The following SANBR variants were observed in gnomAD, a reference collection of about 807,000 sequenced individuals.
SANBR encodes SANT and BTB domain regulator of class switch recombination.
In SANBR, 77 loss-of-function variants were observed where a neutral mutation model predicts 101.8. The observed-to-expected ratio is 0.76, with a 90% CI of 0.63 to 0.91. The LOEUF is 0.91. Ranked by LOEUF, SANBR falls within the 40% of genes least tolerant of loss-of-function variation. SANBR has a pLI of 0.00. For synonymous variants in SANBR, 279 were observed against 274.7 expected, an observed-to-expected ratio of 1.02 and a Z score of -0.15; for missense variants, 875 against 853.0, an observed-to-expected ratio of 1.03 and a Z score of -0.32.
rs80327724 is a variant in SANBR at position 61,076,937 on chromosome 2, A to G, written c.449A>G (p.His150Arg). 336 of 1,613,196 alleles carry G rather than the reference A, an allele frequency of 2.1e-4. 1 individual carries two copies. In the East Asian group the frequency reaches 7.3e-3, roughly 35 times the overall value. ...TTATGAAGGCCAAACATGGTGATCC[A>G]TGTGTGTGATGAAGCAAAAAACTTG... ...EESEGPNMVI[H>R]VCDEAKNLKE... The change falls in exon 6 of 22, where the codon CAT becomes CGT. Residue 150 changes from histidine (H) to arginine (R), a missense_variant. Physicochemically the swap from His to Arg is conservative, Grantham distance 29. Transcript: ENST00000402291.
At chr2:61,107,044 G>C (rs1162802033) in intron 14 of SANBR, among the ~76,000 whole-genome samples, 4 of 151,838 alleles carry the variant, frequency 2.6e-5, no homozygotes. Context: ...CCTTGTGCCT[G>C]TAGTCCAAGT....
At chr2:61,109,159 A>G (rs745668377) in intron 15 of SANBR, 38 bp from the exon 16 acceptor site, 2 of 1,025,912 alleles carry the variant, frequency 1.9e-6, no homozygotes, top group South Asian at 2.1e-5. Context: ...ATAAAAAATC[A>G]TAATATTACA....
intron 20 of SANBR, among the ~76,000 whole-genome samples, chr2:61,133,505 C>T (rs540402327): frequency 6.6e-6 from 1 of 152,088 alleles, no homozygotes; most frequent in East Asian, 1.9e-4. Context: ...GTAATCCCAG[C>T]ACTTTGGGAG....
At chr2:61,109,681 G>GTTT (rs1297359773) in intron 16 of SANBR, among the ~76,000 whole-genome samples, 6 of 124,816 alleles carry the variant, frequency 4.8e-5, no homozygotes, top group African/African-American at 6.4e-5. Flanking sequence ...TTTTGTGTTT[G>GTTT]TTTTTTTTTT....
intron 12 of SANBR, among the ~76,000 whole-genome samples, chr2:61,101,371 T>C (rs917361243): frequency 1.3e-5 from 2 of 152,202 alleles, no homozygotes; most frequent in African/African-American, 2.4e-5. Flanking sequence ...GTGGTTAGTT[T>C]GTTTCCATTT....
intron 11 of SANBR, among the ~76,000 whole-genome samples, chr2:61,097,417 A>G (rs563727180): frequency 3.3e-5 from 5 of 152,012 alleles, no homozygotes; most frequent in Non-Finnish European, 5.9e-5. Context: ...TAAGTCTGCA[A>G]TTCACTTTTT....
chr2:61,066,341 C>G (rs953602295), intron 1 of SANBR: 70 of 152,706 alleles, frequency 4.6e-4, no homozygotes, highest in African/African-American at 1.4e-3. Flanking sequence ...CTCCCGCTGC[C>G]CGGCGCCTTT....
chr2:61,106,752 A>G, intron 14 of SANBR, 90 bp downstream of exon 14: 1 of 757,642 alleles, frequency 1.3e-6, no homozygotes, highest in Non-Finnish European at 2.1e-6. Context: ...TTAAGTTGAA[A>G]TTGAACTGAC....
intron 1 of SANBR, among the ~76,000 whole-genome samples, chr2:61,066,894 C>T (rs1404901448): frequency 6.6e-5 from 10 of 152,088 alleles, no homozygotes; most frequent in Non-Finnish European, 1.2e-4. Context: ...GTCTGTTAAA[C>T]ATATTGGATT....
At chr2:61,088,046 G>A in intron 8 of SANBR, 113 bp from the exon 9 acceptor site, 1 of 564,038 alleles carries the variant, frequency 1.8e-6, no homozygotes, top group Non-Finnish European at 3.1e-6. Flanking sequence ...ACTCCCAAGA[G>A]AGCCACTAAG....
Position 61,082,744 on chromosome 2 carries a change from A to G in SANBR, c.730-410A>G, listed in dbSNP as rs552920337. 5.9e-5 allele frequency among the ~76,000 whole-genome samples: 9 copies of G among 152,226 alleles called. No homozygotes were observed. In the East Asian group the frequency reaches 1.7e-3, roughly 29 times the overall value. On this transcript the variant is annotated intron_variant, in intron 7 of 21. Coordinates refer to ENST00000402291, the MANE Select transcript of SANBR (RefSeq NM_001129993.3). ...TGAGGCAGGAGAATCGCTTGAACCC[A>G]GGAGGCAGAGGTTGCAGTGAGCTGA...
chr2:61,131,562 T>C (rs1232517199), intron 20 of SANBR, among the ~76,000 whole-genome samples: 1 of 152,256 alleles, frequency 6.6e-6, no homozygotes, highest in Non-Finnish European at 1.5e-5. Context: ...AGACATTCTA[T>C]GTTCATGGAT....
chr2:61,102,422 A>G (rs1452197310), intron 12 of SANBR, among the ~76,000 whole-genome samples: 2 of 152,138 alleles, frequency 1.3e-5, no homozygotes. Flanking sequence ...ACTTCAGACA[A>G]AAAAACAGTT....
intron 17 of SANBR, 159 bp from the exon 18 acceptor site, chr2:61,117,198 C>A: frequency 1.5e-6 from 1 of 663,324 alleles, no homozygotes; most frequent in Non-Finnish European, 2.7e-6. Context: ...TAGTGCCTGT[C>A]TCATTTGGTT....
intron 13 of SANBR, among the ~76,000 whole-genome samples, chr2:61,105,668 A>AC (rs140588981): frequency 6.8e-6 from 1 of 146,190 alleles, no homozygotes; most frequent in South Asian, 2.2e-4. Flanking sequence ...GCCTGGCCGC[A>AC]CCCCCCTCCT....
At chr2:61,115,188 G>C (rs1377790678) in intron 16 of SANBR, among the ~76,000 whole-genome samples, 1 of 151,986 alleles carries the variant, frequency 6.6e-6, no homozygotes, top group African/African-American at 2.4e-5. Context: ...GTTATAGGAA[G>C]GCTTTAAATT....
chr2:61,106,628 C>A lies in SANBR; in HGVS notation c.1577C>A (p.Thr526Lys), dbSNP rs375339252. ...TGTGATGTTTTACTGGAGCCAAATA[C>A]ACCATGGGGTCCCAAAACTGGGGAG... ...IECDVLLEPNTPWGPKTGELN... is the reference protein window; with the variant it reads ...IECDVLLEPNKPWGPKTGELN... The change falls in exon 14 of 22, where the codon ACA becomes AAA. Residue 526 changes from threonine (T) to lysine (K), a missense_variant. Coordinates refer to ENST00000402291, the MANE Select transcript of SANBR (RefSeq NM_001129993.3). The A allele has an allele frequency of 2.9e-5, 46 of 1,598,600 alleles. No individual in the cohort carries two copies. The highest frequency in any genetic ancestry group is 3.7e-5 in the Non-Finnish European group (44 of 1,175,016).
chr2:61,071,846 AT>A, intron 4 of SANBR, 54 bp downstream of exon 4: 4 of 1,089,636 alleles, frequency 3.7e-6, no homozygotes, highest in Non-Finnish European at 5.4e-6. Context: ...TCTGCAGAAT[AT>A]TATATATTCC....
At chr2:61,095,007 A>G (rs1682964374) in intron 11 of SANBR, among the ~76,000 whole-genome samples, 2 of 152,206 alleles carry the variant, frequency 1.3e-5, no homozygotes, top group South Asian at 2.1e-4. Flanking sequence ...AACACTTGCC[A>G]TGCCTAATAG....
Sources: gnomAD v4.1 joint callset for allele counts (sites outside exome capture counted in the v4.1 genomes callset) on GRCh38, gnomAD v4.1.1 for gene constraint, MANE v1.5 for transcripts, NCBI Gene and HGNC (gene_info 2026-07-23, HGNC 2026-07-21) for gene names.